MAP3K21: variants seen among roughly 807,000 people sequenced by gnomAD.
MAP3K21 encodes mitogen-activated protein kinase kinase kinase 21, also known as mitogen-activated protein kinase kinase kinase MLK4.
Under a neutral mutation model 86.1 loss-of-function variants are expected in MAP3K21, and 63 were observed. The observed-to-expected ratio is 0.73, with a 90% CI of 0.60 to 0.90. MAP3K21 has a LOEUF of 0.90. MAP3K21 is among the 40% of genes least tolerant of loss of function. The pLI is 0.00. For missense variants in MAP3K21, 1,220 were observed against 1,367.7 expected (o/e 0.89, Z 1.70); for synonymous variants, 558 against 564.8 (o/e 0.99, Z 0.17).
In MAP3K21 at chr1:233,384,861, A is replaced by G. The variant is rs1288390375; in HGVS notation, c.*2150A>G. ...AAAATAATTGTAATATAACAATTCAATCTCACATGTTACTGCAGATAGTTA... is the reference window on the plus strand; with the variant it reads ...AAAATAATTGTAATATAACAATTCAGTCTCACATGTTACTGCAGATAGTTA... On this transcript the variant is annotated 3_prime_UTR_variant, in exon 10 of 10. Transcript: ENST00000366624. The G allele has an allele frequency of 6.6e-6, 1 of 152,238 alleles. No homozygotes were observed. The highest frequency in any genetic ancestry group is 2.4e-5 in the African/African-American group (1 of 41,472). The allele number at this position is 152,238 out of a possible 1,614,324, so 9.4% of individuals were successfully genotyped here. A position where few individuals can be genotyped will look rare whatever the true frequency, so the allele number is the denominator to read the frequency against.
At chr1:233,351,410 T>A (rs1450584728) in intron 2 of MAP3K21, among the ~76,000 whole-genome samples, 1 of 152,130 alleles carries the variant, frequency 6.6e-6, no homozygotes, top group Non-Finnish European at 1.5e-5. Context: ...AAGGGCCTTG[T>A]TAGTGGAGAA....
Position 233,341,798 on chromosome 1 carries a change from GC to G in MAP3K21, c.806-4642del, listed in dbSNP as rs986787812. 3.5e-3 allele frequency among the ~76,000 whole-genome samples: 534 copies of G among 152,244 alleles called. 3 individuals carry two copies. The highest frequency in any genetic ancestry group is 0.012 in the African/African-American group (509 of 41,540). On this transcript the variant is annotated intron_variant, in intron 1 of 9. Coordinates refer to ENST00000366624, the MANE Select transcript of MAP3K21 (RefSeq NM_032435.3). ...TTTTCATCAGTCGTTTCTCATGTCTGCCTGCCTGGAGGTTTGTAAGAATGAG... is the reference window on the plus strand; with the variant it reads ...TTTTCATCAGTCGTTTCTCATGTCTGCTGCCTGGAGGTTTGTAAGAATGAG...
intron 4 of MAP3K21, among the ~76,000 whole-genome samples, chr1:233,360,653 G>A (rs1331937961): frequency 2.0e-5 from 3 of 152,116 alleles, no homozygotes; most frequent in Admixed American, 2.0e-4. Flanking sequence ...TGGGAGGATG[G>A]TCTTCCTGTT....
chr1:233,329,396 G>C (rs917920100), intron 1 of MAP3K21, among the ~76,000 whole-genome samples: 1 of 152,168 alleles, frequency 6.6e-6, no homozygotes, highest in Non-Finnish European at 1.5e-5. Context: ...GCTCATACCT[G>C]TAATCCCAGC....
chr1:233,337,383 T>A (rs1662937765), intron 1 of MAP3K21, among the ~76,000 whole-genome samples: 1 of 152,362 alleles, frequency 6.6e-6, no homozygotes, highest in South Asian at 2.1e-4. Context: ...TGCAAGCTGT[T>A]GACTATATTC....
rs761780046 is a variant in MAP3K21 at position 233,379,436 on chromosome 1, G to T, written c.2430G>T (p.Lys810Asn). The T allele has an allele frequency of 1.2e-6, 2 of 1,614,170 alleles. No homozygotes were observed. The highest frequency in any genetic ancestry group is 1.1e-5 in the South Asian group (1 of 91,080). Residue 810 changes from lysine to asparagine, a missense_variant, in exon 9 of 10, where the codon AAG (lysine) becomes AAT (asparagine). By Grantham distance (94) the Lys-to-Asn change is moderately conservative. This residue lies in a region of MAP3K21 where 632 missense variants were observed against 691.3 expected (regional missense o/e 0.91). Transcript: ENST00000366624. The part of the protein sequence containing the change: ...GILSTPSFST[K>N]CLLQMDSEDP... ...TCTCCACACCTTCTTTCTCCACAAA[G>T]TGCCTGCTGCAGATGGACAGTGAAG...
At chr1:233,333,851 T>C (rs548528385) in intron 1 of MAP3K21, among the ~76,000 whole-genome samples, 6 of 152,238 alleles carry the variant, frequency 3.9e-5, no homozygotes, top group South Asian at 2.1e-4. Flanking sequence ...GGAAACAGCA[T>C]TGGCTTTTTT....
rs544350530 is a variant in MAP3K21 at position 233,344,068 on chromosome 1, G to A, written c.806-2374G>A. Among the ~76,000 whole-genome samples, 581 of 152,280 alleles carry A rather than the reference G, an allele frequency of 3.8e-3. 4 individuals carry two copies. Among genetic ancestry groups the A allele is most frequent in the African/African-American group, 0.012 (515 of 41,566 alleles). On this transcript the variant is annotated intron_variant, in intron 1 of 9. Coordinates refer to ENST00000366624, the MANE Select transcript of MAP3K21 (RefSeq NM_032435.3). ...AAGGGAGAGGAGCTGAAGGTGCTTGGAAGGGCCAGGTAGGAGGGTGCAGGT... is the reference window on the plus strand; with the variant it reads ...AAGGGAGAGGAGCTGAAGGTGCTTGAAAGGGCCAGGTAGGAGGGTGCAGGT...
intron 5 of MAP3K21, among the ~76,000 whole-genome samples, chr1:233,362,951 T>C (rs1663493809): frequency 6.6e-6 from 1 of 152,224 alleles, no homozygotes; most frequent in South Asian, 2.1e-4. Context: ...TAGATATTAT[T>C]GACTGATAAT....
intron 1 of MAP3K21, among the ~76,000 whole-genome samples, chr1:233,330,248 C>G (rs572301942): frequency 6.6e-6 from 1 of 152,174 alleles, no homozygotes; most frequent in Non-Finnish European, 1.5e-5. Context: ...CCCCAAGTCT[C>G]TCTATAATTT....
rs4649306 is a variant in MAP3K21 at position 233,361,960 on chromosome 1, C to G, written c.1312-93C>G. On this transcript the variant is annotated intron_variant, in intron 4 of 9. Coordinates refer to ENST00000366624, the MANE Select transcript of MAP3K21 (RefSeq NM_032435.3). ...AGCTTCTCCTTGTGCACAGGAGGAG[C>G]CCGTGGCCGAGGGGTCGCCAGTGTA... The G allele has an allele frequency of 4.6e-5, 66 of 1,443,158 alleles. No individual in the cohort carries two copies. In the Admixed American group the frequency reaches 1.5e-3, roughly 32 times the overall value. The allele number at this position is 1,443,158 out of a possible 1,614,324, so 89.4% of individuals were successfully genotyped here. A position where few individuals can be genotyped will look rare whatever the true frequency, so the allele number is the denominator to read the frequency against.
At chr1:233,367,695 A>G (rs1663603885) in intron 5 of MAP3K21, among the ~76,000 whole-genome samples, 1 of 152,132 alleles carries the variant, frequency 6.6e-6, no homozygotes, top group East Asian at 1.9e-4. Flanking sequence ...CCCCATCTCT[A>G]TTAAAAGTAC....
At chr1:233,333,947 C>T (rs1056695876) in intron 1 of MAP3K21, among the ~76,000 whole-genome samples, 9 of 152,158 alleles carry the variant, frequency 5.9e-5, no homozygotes, top group African/African-American at 2.2e-4. Flanking sequence ...ACTGCAAGCT[C>T]CGTCTCCCGG....
chr1:233,345,770 A>G (rs2102763293), intron 1 of MAP3K21, among the ~76,000 whole-genome samples: 1 of 149,782 alleles, frequency 6.7e-6, no homozygotes, highest in East Asian at 2.0e-4. Flanking sequence ...ATAAAAGCAC[A>G]TTTGTTGTAG....
intron 1 of MAP3K21, among the ~76,000 whole-genome samples, chr1:233,334,360 C>T (rs904468944): frequency 6.6e-6 from 1 of 152,076 alleles, no homozygotes; most frequent in Non-Finnish European, 1.5e-5. Context: ...TCAGTGTCCT[C>T]ATTTACTAGC....
intron 6 of MAP3K21, chr1:233,372,372 T>A (rs1179086780): frequency 9.8e-6 from 5 of 512,702 alleles, no homozygotes; most frequent in Non-Finnish European, 1.6e-5. Context: ...TTAGATGCTA[T>A]GCAGTTGGTG....
intron 4 of MAP3K21, among the ~76,000 whole-genome samples, chr1:233,357,630 G>A (rs960070183): frequency 6.6e-6 from 1 of 152,140 alleles, no homozygotes; most frequent in Non-Finnish European, 1.5e-5. Context: ...GCGTCTGACT[G>A]CGAGCATCAT....
At chr1:233,337,671 C>T (rs1223839613) in intron 1 of MAP3K21, among the ~76,000 whole-genome samples, 1 of 152,138 alleles carries the variant, frequency 6.6e-6, no homozygotes, top group African/African-American at 2.4e-5. Flanking sequence ...CAGTTCTGAG[C>T]CTTGTTCCCT....
Position 233,328,637 on chromosome 1 carries a change from C to T in MAP3K21, c.609C>T (p.Ala203=). The change falls in exon 1 of 10, where the codon GCC becomes GCT. Residue 203 remains alanine, a synonymous_variant. Transcript: ENST00000366624. The surrounding 1 kb of genome is among the most constrained non-coding windows in gnomAD (Gnocchi z 8.7). ...ACCTCTGCCTGGTGCTGGAGTTCGC[C>T]CGCGGCGGAGCGCTCAACCGAGCGC... ...QPHLCLVLEF[A]RGGALNRALA... is the part of the protein sequence containing the mutation. 6.9e-7 allele frequency: 1 copy of T among 1,449,976 alleles called. No homozygotes were observed. Among genetic ancestry groups the T allele is most frequent in the South Asian group, 1.4e-5 (1 of 72,186 alleles). The allele number at this position is 1,449,976 out of a possible 1,614,324, so 89.8% of individuals were successfully genotyped here. A position where few individuals can be genotyped will look rare whatever the true frequency, so the allele number is the denominator to read the frequency against.
Sources: gnomAD v4.1 joint callset for allele counts (sites outside exome capture counted in the v4.1 genomes callset) on GRCh38, gnomAD v4.1.1 for gene constraint, gnomAD v4.1.1 regional missense constraint, Gnocchi (gnomAD v3.1) non-coding constraint, MANE v1.5 for transcripts, NCBI Gene and HGNC (gene_info 2026-07-23, HGNC 2026-07-21) for gene names.